DTHD1: variants seen among roughly 807,000 people sequenced by gnomAD.
DTHD1 encodes the protein death domain-containing protein 1.
DTHD1 carries 59 observed loss-of-function variants against 74.8 expected under a neutral mutation model. That is an observed-to-expected ratio of 0.79 (90% CI 0.64 to 0.98). DTHD1 has a LOEUF of 0.98. Among genes scored for constraint, DTHD1 ranks in the 50% least tolerant of loss-of-function variants. DTHD1 has a pLI of 0.00. For synonymous variants in DTHD1, 365 were observed against 371.1 expected (o/e 0.98, Z 0.19); for missense variants, 1,051 against 1,065.4 (o/e 0.99, Z 0.19).
At chr4:36,296,466 G>A (rs1756404499) in intron 5 of DTHD1, among the ~76,000 whole-genome samples, 1 of 152,026 alleles carries the variant, frequency 6.6e-6, no homozygotes, top group Non-Finnish European at 1.5e-5. Flanking sequence ...AAATTTATAT[G>A]AAAGAGAGAT....
chr4:36,346,722 G>C lies in DTHD1; in HGVS notation c.*2898G>C, dbSNP rs1387082097. ...GCAAAGCCCCAGCAGAAGACAGACA[G>C]GAGGAAGGAGAGTGAATTATACCAT... is the stretch of plus-strand genomic sequence containing the variant. On this transcript the variant is annotated 3_prime_UTR_variant, in exon 10 of 10. Transcript: ENST00000639862. Among the ~76,000 whole-genome samples the C allele has an allele frequency of 3.9e-4, 59 of 151,942 alleles. No homozygotes were observed. The highest frequency in any genetic ancestry group is 1.3e-4 in the Non-Finnish European group (9 of 68,018).
At chr4:36,328,938 C>G (rs1758511944) in intron 8 of DTHD1, among the ~76,000 whole-genome samples, 1 of 152,188 alleles carries the variant, frequency 6.6e-6, no homozygotes, top group Non-Finnish European at 1.5e-5. Context: ...TAGGCCCTGT[C>G]ATTTGTAGAC....
chr4:36,290,547 G>A lies in DTHD1; in HGVS notation c.1062G>A (p.Lys354=), dbSNP rs761582083. Residue 354 remains lysine (K), a synonymous_variant, in exon 3 of 10, where the codon AAG becomes AAA. Transcript: ENST00000639862. Reference sequence around the variant, plus strand: ...TCATAACTATTGAATGCTCAGATAAGGAAAAGAGAGTTCCATTTCCAATAG... The same window carrying A: ...TCATAACTATTGAATGCTCAGATAAAGAAAAGAGAGTTCCATTTCCAATAG... ...SNVITIECSD[K]EKRVPFPIGI... The A allele has an allele frequency of 1.9e-6, 3 of 1,551,434 alleles. No individual in the cohort carries two copies. Among genetic ancestry groups the A allele is most frequent in the Non-Finnish European group, 2.6e-6 (3 of 1,146,948 alleles).
chr4:36,305,395 G>A (rs1276821537), intron 5 of DTHD1, among the ~76,000 whole-genome samples: 1 of 152,120 alleles, frequency 6.6e-6, no homozygotes, highest in South Asian at 2.1e-4. Flanking sequence ...GAGAGAATGA[G>A]AGCCAAGCAA....
At chr4:36,339,204 T>A in intron 9 of DTHD1, 35 bp downstream of exon 9, 1 of 1,414,866 alleles carries the variant, frequency 7.1e-7, no homozygotes, top group Non-Finnish European at 9.8e-7. Context: ...ATTATAGTGC[T>A]TCCCCACCCC....
At chr4:36,339,906 G>A (rs965317085) in intron 9 of DTHD1, among the ~76,000 whole-genome samples, 22 of 152,230 alleles carry the variant, frequency 1.4e-4, no homozygotes, top group Admixed American at 7.2e-4. Flanking sequence ...ATAAATAAAC[G>A]GTGTTTAAAA....
chr4:36,318,251 A>G (rs1056159107), intron 8 of DTHD1, among the ~76,000 whole-genome samples: 1 of 152,238 alleles, frequency 6.6e-6, no homozygotes, highest in African/African-American at 2.4e-5. Context: ...TAGCACATAA[A>G]GCTAGGATTA....
At chr4:36,322,619 G>A (rs1050565357) in intron 8 of DTHD1, among the ~76,000 whole-genome samples, 4 of 152,078 alleles carry the variant, frequency 2.6e-5, no homozygotes, top group South Asian at 4.1e-4. Flanking sequence ...TGGTCAGTGC[G>A]CATGTGAGGG....
intron 7 of DTHD1, chr4:36,311,195 G>A (rs1240391656): frequency 6.6e-6 from 1 of 152,136 alleles, no homozygotes; most frequent in Non-Finnish European, 1.5e-5. Flanking sequence ...TCCCTATAAG[G>A]GTTGGGGAAG....
In DTHD1 at chr4:36,285,065, A is replaced by C. The variant is rs1283245865; in HGVS notation, c.887+474A>C. Among the ~76,000 whole-genome samples, 5 of 152,350 alleles carry C rather than the reference A, an allele frequency of 3.3e-5. No homozygotes were observed. In the East Asian group the frequency reaches 7.7e-4, roughly 23 times the overall value. ...ATTTCATACCTCCCAAAGATATTGT[A>C]ATCAGTAATTCAGCTTAAATCACTC... On this transcript the variant is annotated intron_variant, in intron 2 of 9. Coordinates refer to ENST00000639862, the MANE Select transcript of DTHD1 (RefSeq NM_001170700.3).
chr4:36,343,823 A>T lies in DTHD1; in HGVS notation c.2720A>T (p.Ter907LeuextTer62), dbSNP rs1759460989. ...CAGTGTTTTGATGTAGCCCCTGAGT[A>T]AAAGCCTGATCTCTCTTCCTTTACC... ...PQQCFDVAPE[*>L] The change falls in exon 10 of 10, where the codon TAA becomes TTA. Residue 907 changes from the stop codon to leucine (L), a stop_lost. Transcript: ENST00000639862. 6.5e-7 allele frequency: 1 copy of T among 1,541,870 alleles called. No individual in the cohort carries two copies. The highest frequency in any genetic ancestry group is 2.0e-5 in the Admixed American group (1 of 50,676).
chr4:36,309,067 T>A (rs1266468413), intron 7 of DTHD1, among the ~76,000 whole-genome samples: 1 of 152,252 alleles, frequency 6.6e-6, no homozygotes, highest in Non-Finnish European at 1.5e-5. Context: ...TTTATATTTT[T>A]CAAAGACTAC....
intron 7 of DTHD1, among the ~76,000 whole-genome samples, chr4:36,315,393 T>C (rs1048778933): frequency 1.3e-5 from 2 of 152,244 alleles, no homozygotes; most frequent in Admixed American, 6.5e-5. Flanking sequence ...CACTGTCCAA[T>C]TCCACACTTG....
At chr4:36,307,260 C>T (rs1183731952) in intron 6 of DTHD1, among the ~76,000 whole-genome samples, 10 of 152,172 alleles carry the variant, frequency 6.6e-5, no homozygotes, top group Admixed American at 6.5e-4. Context: ...TATTGTTTCA[C>T]AGTTCTGGAG....
At chr4:36,300,657 A>G (rs902034622) in intron 5 of DTHD1, among the ~76,000 whole-genome samples, 2 of 63,282 alleles carry the variant, frequency 3.2e-5, no homozygotes, top group Non-Finnish European at 6.7e-5. Context: ...TTTGTTATTT[A>G]TAATTCTGGA....
chr4:36,304,892 C>T (rs564709447), intron 5 of DTHD1, among the ~76,000 whole-genome samples: 14 of 152,078 alleles, frequency 9.2e-5, no homozygotes, highest in Non-Finnish European at 2.1e-4. Context: ...TTTTCATTGA[C>T]CAAGGTACCA....
chr4:36,343,475 C>T lies in DTHD1; in HGVS notation c.2399-27C>T, dbSNP rs936585001. On this transcript the variant is annotated intron_variant, in intron 9 of 9. Coordinates refer to ENST00000639862, the MANE Select transcript of DTHD1 (RefSeq NM_001170700.3). ...GCATCCCCCAGGAGAGGGTCCTAAC[C>T]GTGAGTGTTCCTCCTGTGCCTGACA... 1.3e-5 allele frequency: 20 copies of T among 1,541,186 alleles called. 1 individual carries two copies. Among genetic ancestry groups the T allele is most frequent in the South Asian group, 9.7e-5 (8 of 82,656 alleles).
chr4:36,323,062 G>A (rs1032280558), intron 8 of DTHD1, among the ~76,000 whole-genome samples: 2 of 152,212 alleles, frequency 1.3e-5, no homozygotes, highest in Non-Finnish European at 2.9e-5. Context: ...AAGGGCTCCA[G>A]ATCTGACTGC....
intron 9 of DTHD1, among the ~76,000 whole-genome samples, chr4:36,343,168 A>T (rs1759416983): frequency 6.6e-6 from 1 of 152,314 alleles, no homozygotes; most frequent in South Asian, 2.1e-4. Flanking sequence ...CTTGTTAAAA[A>T]TGCCAAGTTT....
Sources: allele counts gnomAD v4.1 joint callset (sites outside exome capture counted in the v4.1 genomes callset), GRCh38; gene constraint gnomAD v4.1.1; transcripts MANE v1.5; gene names NCBI Gene and HGNC (gene_info 2026-07-23, HGNC 2026-07-21).